The following IGFL2 variants were observed in gnomAD, a reference collection of about 807,000 sequenced individuals.
IGFL2 encodes the protein IGF like family member 2, also known as insulin growth factor-like family member 2.
A neutral mutation model predicts 13.9 loss-of-function variants in IGFL2; 7 were observed. That is an observed-to-expected ratio of 0.51 (90% CI 0.29 to 0.95). The LOEUF is 0.95. IGFL2 is among the 40% of genes least tolerant of loss of function. The pLI is 0.08. For missense variants in IGFL2, 138 were observed against 147.8 expected (o/e 0.93, Z 0.34); for synonymous variants, 55 against 55.8 (o/e 0.99, Z 0.07).
the IGFL2 span, among the ~76,000 whole-genome samples, chr19:46,096,713 G>GT: frequency 5.9e-5 from 9 of 152,204 alleles, no homozygotes; most frequent in East Asian, 1.9e-4. Context: ...TTTACTGAGA[G>GT]TTTTTTAACA....
At chr19:46,094,000 T>C in the IGFL2 span, among the ~76,000 whole-genome samples, 14 of 151,096 alleles carry the variant, frequency 9.3e-5, no homozygotes, top group African/African-American at 2.2e-4. Flanking sequence ...CACCTTGATA[T>C]GTACATTCAA....
At chr19:46,094,734 G>A in the IGFL2 span, among the ~76,000 whole-genome samples, 2 of 152,034 alleles carry the variant, frequency 1.3e-5, no homozygotes, top group Non-Finnish European at 2.9e-5. Context: ...CTGTGTCCAT[G>A]TGTTCTAATT....
At chr19:46,197,845 T>C in the IGFL2 span, among the ~76,000 whole-genome samples, 1 of 152,162 alleles carries the variant, frequency 6.6e-6, no homozygotes, top group Non-Finnish European at 1.5e-5. Context: ...ACAGGAGCCC[T>C]GGACTGGCCC....
At chr19:46,118,955 G>A in the IGFL2 span, among the ~76,000 whole-genome samples, 1,311 of 152,246 alleles carry the variant, frequency 8.6e-3, 10 homozygotes, top group Middle Eastern at 0.034. Context: ...GTTTAGGAGG[G>A]ACAGGGAGTC....
At chr19:46,182,209 A>G in the IGFL2 span, among the ~76,000 whole-genome samples, 2 of 152,032 alleles carry the variant, frequency 1.3e-5, no homozygotes, top group Admixed American at 6.6e-5. Flanking sequence ...TCTACTAAAA[A>G]TACAAAAATT....
chr19:46,160,954 C>T, intron 3 of IGFL2, 73 bp downstream of exon 3: 1 of 1,576,862 alleles, frequency 6.3e-7, no homozygotes, highest in Non-Finnish European at 8.7e-7. Flanking sequence ...TAGATGTCTT[C>T]ATCACTCCTT....
chr19:46,171,118 G>A, the IGFL2 span, among the ~76,000 whole-genome samples: 5 of 152,216 alleles, frequency 3.3e-5, no homozygotes, highest in East Asian at 9.6e-4. Flanking sequence ...GGGGCATCAT[G>A]GAACCTGCCG....
At chr19:46,107,105 G>T in the IGFL2 span, among the ~76,000 whole-genome samples, 3 of 152,122 alleles carry the variant, frequency 2.0e-5, no homozygotes, top group African/African-American at 7.2e-5. Flanking sequence ...CCAGAGTGGG[G>T]GAGTTTTAAG....
At chr19:46,081,575 C>T in the IGFL2 span, among the ~76,000 whole-genome samples, 1 of 152,208 alleles carries the variant, frequency 6.6e-6, no homozygotes, top group African/African-American at 2.4e-5. Context: ...CCTTACCTGT[C>T]TGATAAGCCT....
At chr19:46,164,760 T>C (rs1974318657), downstream of IGFL2, 2 of 152,246 alleles carry the variant, frequency 1.3e-5, no homozygotes, top group African/African-American at 4.8e-5. Flanking sequence ...AGGCACGTGT[T>C]TTCCATTACA....
chr19:46,119,891 C>T, the IGFL2 span, among the ~76,000 whole-genome samples: 5 of 150,668 alleles, frequency 3.3e-5, no homozygotes, highest in Non-Finnish European at 5.9e-5. Flanking sequence ...ACTGGCCCTG[C>T]AGCAGCATCT....
the IGFL2 span, among the ~76,000 whole-genome samples, chr19:46,088,787 A>C: frequency 6.6e-6 from 1 of 152,254 alleles, no homozygotes; most frequent in Admixed American, 6.5e-5. Flanking sequence ...ATGTCATTTG[A>C]GACCTCACAG....
upstream of IGFL2, chr19:46,148,223 A>G: frequency 6.6e-7 from 1 of 1,517,248 alleles, no homozygotes. Flanking sequence ...AAGTCCCTGT[A>G]TAAAGTCACT....
intron 1 of IGFL2, among the ~76,000 whole-genome samples, chr19:46,156,920 A>G (rs1372839092): frequency 6.6e-6 from 1 of 152,186 alleles, no homozygotes; most frequent in Non-Finnish European, 1.5e-5. Flanking sequence ...AAGAGAAGAC[A>G]CAAATTGTCA....
chr19:46,176,719 CT>C, the IGFL2 span, among the ~76,000 whole-genome samples: 2 of 152,160 alleles, frequency 1.3e-5, no homozygotes, highest in Non-Finnish European at 2.9e-5. Context: ...TCATTCACCC[CT>C]GGGAGGGTCC....
the IGFL2 span, chr19:46,204,657 G>A: frequency 6.6e-6 from 1 of 152,224 alleles, no homozygotes; most frequent in Non-Finnish European, 1.5e-5. Flanking sequence ...GCTGCTTCGG[G>A]AATTTTGATA....
chr19:46,124,319 G>A, the IGFL2 span: 1 of 1,609,606 alleles, frequency 6.2e-7, no homozygotes, highest in Non-Finnish European at 8.5e-7. Context: ...CAGCAGACAA[G>A]AGCTAAGGGA....
the IGFL2 span, among the ~76,000 whole-genome samples, chr19:46,094,996 G>A: frequency 6.6e-6 from 1 of 152,142 alleles, no homozygotes; most frequent in Non-Finnish European, 1.5e-5. Context: ...ACATACATGT[G>A]CATGTATCTT....
chr19:46,150,958 G>A (rs777101030), intron 1 of IGFL2, among the ~76,000 whole-genome samples: 20 of 152,142 alleles, frequency 1.3e-4, no homozygotes, highest in South Asian at 2.1e-4. Context: ...GAGCCATCAC[G>A]TCCAGCCCAC....
Sources: gnomAD v4.1 joint callset for allele counts (sites outside exome capture counted in the v4.1 genomes callset) on GRCh38, gnomAD v4.1.1 for gene constraint, MANE v1.5 for transcripts, NCBI Gene and HGNC (gene_info 2026-07-23, HGNC 2026-07-21) for gene names.